Variants in LRRC7 observed in about 807,000 individuals in gnomAD.
LRRC7 encodes leucine rich repeat containing 7.
LRRC7 carries 23 observed loss-of-function variants against 175.7 expected under a neutral mutation model. The observed-to-expected ratio is 0.13, with a 90% CI of 0.09 to 0.19. The LOEUF (loss-of-function observed/expected upper bound fraction) is 0.19. LRRC7 is among the 10% of genes least tolerant of loss of function. LRRC7 has a pLI of 1.00. For missense variants in LRRC7, 1,354 were observed against 1,904.7 expected (o/e 0.71, Z 5.38); for synonymous variants, 685 against 680.9 (o/e 1.01, Z -0.09).
intron 11 of LRRC7, among the ~76,000 whole-genome samples, chr1:70,001,093 A>AT (rs1655476975): frequency 6.6e-6 from 1 of 152,084 alleles, no homozygotes; most frequent in African/African-American, 2.4e-5. Flanking sequence ...AATTAAGATC[A>AT]TTTTTGTTTC....
intron 7 of LRRC7, among the ~76,000 whole-genome samples, chr1:69,881,434 T>A (rs1465326812): frequency 6.6e-6 from 1 of 152,184 alleles, no homozygotes; most frequent in Non-Finnish European, 1.5e-5. Context: ...ATTGTTGAGT[T>A]TGAAATTGTT....
intron 1 of LRRC7, among the ~76,000 whole-genome samples, chr1:69,629,808 T>C (rs561619752): frequency 6.6e-6 from 1 of 152,276 alleles, no homozygotes; most frequent in Non-Finnish European, 1.5e-5. Flanking sequence ...AATATTTCTA[T>C]ATTTTATTAT....
At chr1:69,931,616 TTC>T in intron 8 of LRRC7, 46 bp downstream of exon 8, 1 of 1,453,158 alleles carries the variant, frequency 6.9e-7, no homozygotes, top group Non-Finnish European at 9.6e-7. Flanking sequence ...CTTCAGGAGA[TTC>T]TTTCTTTTGC....
chr1:70,048,667 T>C (rs1272367947), intron 22 of LRRC7, among the ~76,000 whole-genome samples: 2 of 152,138 alleles, frequency 1.3e-5, no homozygotes, highest in East Asian at 3.9e-4. Flanking sequence ...ATATATTAAC[T>C]AATCCAAAAC....
chr1:69,903,793 T>C (rs1203318774), intron 7 of LRRC7, among the ~76,000 whole-genome samples: 1 of 151,726 alleles, frequency 6.6e-6, no homozygotes, highest in African/African-American at 2.4e-5. Flanking sequence ...AAGAATCAAA[T>C]AGAAACAATA....
chr1:70,123,665 A>G lies in LRRC7; in HGVS notation c.*1778A>G, dbSNP rs1478344942. ...GATTGGCCTATTTAGTATGTTTCCC[A>G]GAAGTAACTTTTAAATGCATTTTAA... On this transcript the variant is annotated 3_prime_UTR_variant, in exon 27 of 27. Coordinates refer to ENST00000651989, the MANE Select transcript of LRRC7 (RefSeq NM_001370785.2). Among the ~76,000 whole-genome samples the G allele has an allele frequency of 2.0e-5, 3 of 152,208 alleles. No homozygotes were observed. Among genetic ancestry groups the G allele is most frequent in the Non-Finnish European group, 4.4e-5 (3 of 68,032 alleles).
chr1:69,751,624 T>C (rs1669857766), intron 2 of LRRC7, among the ~76,000 whole-genome samples: 1 of 152,076 alleles, frequency 6.6e-6, no homozygotes, highest in Non-Finnish European at 1.5e-5. Context: ...TTTTGACAAG[T>C]GGAGTTTTAT....
chr1:69,768,498 A>G (rs1420269014), intron 3 of LRRC7, among the ~76,000 whole-genome samples: 1 of 152,184 alleles, frequency 6.6e-6, no homozygotes, highest in Non-Finnish European at 1.5e-5. Context: ...TTGTGTCTCT[A>G]AGAGATATCT....
At chr1:70,106,337 G>A (rs1239415668) in intron 25 of LRRC7, among the ~76,000 whole-genome samples, 2 of 152,078 alleles carry the variant, frequency 1.3e-5, no homozygotes, top group Non-Finnish European at 2.9e-5. Context: ...TCTGCTCTCT[G>A]TTTCTGTGCA....
chr1:69,878,555 A>G (rs1686257919), intron 7 of LRRC7, among the ~76,000 whole-genome samples: 1 of 152,074 alleles, frequency 6.6e-6, no homozygotes, highest in African/African-American at 2.4e-5. Flanking sequence ...TTTCTGCAGG[A>G]GAAGACAAGG....
At chr1:69,936,614 C>T (rs771154574) in intron 8 of LRRC7, among the ~76,000 whole-genome samples, 49 of 152,062 alleles carry the variant, frequency 3.2e-4, no homozygotes, top group Non-Finnish European at 7.1e-4. Context: ...AGGTTTGTTA[C>T]ATGGATAAAT....
At chr1:69,635,645 T>C (rs1382861801) in intron 1 of LRRC7, among the ~76,000 whole-genome samples, 1 of 152,116 alleles carries the variant, frequency 6.6e-6, no homozygotes, top group African/African-American at 2.4e-5. Flanking sequence ...ATTTTCAATA[T>C]AATCTTTTTA....
intron 1 of LRRC7, among the ~76,000 whole-genome samples, chr1:69,667,664 T>C (rs1658464622): frequency 6.6e-6 from 1 of 152,224 alleles, no homozygotes; most frequent in African/African-American, 2.4e-5. Flanking sequence ...ATATCTTTTT[T>C]CTGTCCCTTT....
chr1:70,038,984 C>T lies in LRRC7; in HGVS notation c.3160C>T (p.Pro1054Ser). Residue 1054 changes from proline to serine, a missense_variant, in exon 21 of 27, where the codon CCA becomes TCA. Pro to Ser is a moderately conservative substitution (Grantham distance 74). This residue lies in a region of LRRC7 where 1,032 missense variants were observed against 1,227.2 expected (regional missense o/e 0.84). Transcript: ENST00000651989. The part of the protein sequence containing the change: ...EMLTYGSSKG[P>S]QQQKASMTKK... The stretch of plus-strand genomic sequence containing the variant: ...GCTCACCTACGGAAGTAGTAAGGGG[C>T]CACAACAACAAAAAGCTTCTATGAC... 12 of 1,613,854 alleles carry T rather than the reference C, an allele frequency of 7.4e-6. No individual in the cohort carries two copies. The highest frequency in any genetic ancestry group is 1.3e-5 in the African/African-American group (1 of 74,972).
Position 70,021,287 on chromosome 1 carries a change from G to A in LRRC7, c.1545+158G>A, listed in dbSNP as rs1007642713. 1.1e-5 allele frequency: 7 copies of A among 654,240 alleles called. No individual in the cohort carries two copies. In the Admixed American group the frequency reaches 1.3e-4, roughly 12 times the overall value. 40.5% of individuals were successfully genotyped at this position (654,240 alleles called of 1,614,324 possible). On this transcript the variant is annotated intron_variant, in intron 16 of 26. Transcript: ENST00000651989. ...TGCTGGTAGTTCTGGAAGCATTGGT[G>A]TGCTTCAGAATGAGACTAATGTCCC... is the stretch of plus-strand genomic sequence containing the variant.
chr1:69,851,641 C>A (rs905378316), intron 7 of LRRC7, among the ~76,000 whole-genome samples: 1 of 151,976 alleles, frequency 6.6e-6, no homozygotes, highest in African/African-American at 2.4e-5. Flanking sequence ...AGAGTCATAA[C>A]CTGAGCACAA....
chr1:69,771,261 A>ACAT (rs1482351258), intron 3 of LRRC7, among the ~76,000 whole-genome samples: 8 of 152,204 alleles, frequency 5.3e-5, no homozygotes, highest in African/African-American at 1.7e-4. Flanking sequence ...GAGTGAGATG[A>ACAT]AGGACATGAA....
At chr1:69,661,030 A>G (rs1657392380) in intron 1 of LRRC7, among the ~76,000 whole-genome samples, 1 of 152,104 alleles carries the variant, frequency 6.6e-6, no homozygotes, top group South Asian at 2.1e-4. Context: ...ATAGCCAAAA[A>G]GAAAAAAGAA....
At chr1:69,601,374 T>C (rs1647065323) in intron 1 of LRRC7, among the ~76,000 whole-genome samples, 2 of 152,154 alleles carry the variant, frequency 1.3e-5, no homozygotes, top group Admixed American at 6.5e-5. Flanking sequence ...AGCCTCCCCC[T>C]TTTGCTTCTC....
Sources: gnomAD v4.1 joint callset for allele counts (sites outside exome capture counted in the v4.1 genomes callset) on GRCh38, gnomAD v4.1.1 for gene constraint, gnomAD v4.1.1 regional missense constraint, MANE v1.5 for transcripts, NCBI Gene and HGNC (gene_info 2026-07-23, HGNC 2026-07-21) for gene names.